The following SMG1 variants were observed in gnomAD, a reference collection of about 807,000 sequenced individuals.
SMG1 encodes the protein serine/threonine-protein kinase SMG1.
Under a neutral mutation model 419.9 loss-of-function variants are expected in SMG1, and 22 were observed. That is an observed-to-expected ratio of 0.05 (90% CI 0.04 to 0.07). SMG1 has a LOEUF of 0.07. Among genes scored for constraint, SMG1 ranks in the 10% least tolerant of loss-of-function variants. The probability of loss-of-function intolerance (pLI) is 1.00; values close to 1 mark genes in which losing one functional copy is unlikely to be tolerated. For synonymous variants in SMG1, 1,538 were observed against 1,553.5 expected, an observed-to-expected ratio of 0.99 and a Z score of 0.23; for missense variants, 3,185 against 4,342.0, an observed-to-expected ratio of 0.73 and a Z score of 7.49.
At position 18,838,191 on chromosome 16, in the gene SMG1, C is replaced by A; in HGVS notation, c.7236G>T (p.Thr2412=). ...GGTCGTACACAAAGGCCTCCAGCAGCGTCAGCAGGGTCTCTCTGCCACGCC... is the reference window on the plus strand; with the variant it reads ...GGTCGTACACAAAGGCCTCCAGCAGAGTCAGCAGGGTCTCTCTGCCACGCC... ...IMRRGRETLL[T]LLEAFVYDPL... is the part of the protein sequence containing the mutation. Residue 2412 remains threonine (T), a synonymous_variant, in exon 45 of 63, where the codon ACG becomes ACT. Transcript: ENST00000446231. The A allele has an allele frequency of 6.2e-7, 1 of 1,612,704 alleles. No homozygotes were observed. The highest frequency in any genetic ancestry group is 1.3e-5 in the African/African-American group (1 of 75,044).
chr16:18,867,495 G>T (rs2035576313), intron 22 of SMG1, among the ~76,000 whole-genome samples: 1 of 151,208 alleles, frequency 6.6e-6, no homozygotes, highest in Non-Finnish European at 1.5e-5. Flanking sequence ...CTGCACTCCA[G>T]CCTGGGCGAC....
chr16:18,888,125 A>G (rs1283430739), intron 6 of SMG1, among the ~76,000 whole-genome samples: 5 of 137,446 alleles, frequency 3.6e-5, no homozygotes, highest in Non-Finnish European at 7.7e-5. Context: ...AGATCATGCC[A>G]CTGCACTCCA....
intron 1 of SMG1, among the ~76,000 whole-genome samples, chr16:18,913,901 T>TA (rs1486442564): frequency 2.6e-5 from 4 of 152,044 alleles, no homozygotes; most frequent in African/African-American, 9.7e-5. Flanking sequence ...CGAGGTGGTT[T>TA]ACGCCTGTAA....
intron 1 of SMG1, among the ~76,000 whole-genome samples, chr16:18,923,577 G>A (rs1318477092): frequency 6.6e-6 from 1 of 151,446 alleles, no homozygotes; most frequent in African/African-American, 2.4e-5. Context: ...AGAGGCTGCA[G>A]TGAGTCGAGA....
intron 3 of SMG1, among the ~76,000 whole-genome samples, chr16:18,892,664 C>A (rs1190312927): frequency 1.3e-5 from 2 of 152,162 alleles, no homozygotes; most frequent in East Asian, 1.9e-4. Flanking sequence ...GCCCGTGAGG[C>A]GGAGGTTGCA....
At chr16:18,844,025 ACG>A (rs2034082801) in intron 39 of SMG1, among the ~76,000 whole-genome samples, 1 of 150,754 alleles carries the variant, frequency 6.6e-6, no homozygotes, top group Non-Finnish European at 1.5e-5. Flanking sequence ...ACACACACAC[ACG>A]TGCGCACACA....
chr16:18,847,023 G>A (rs1331161211), intron 38 of SMG1, among the ~76,000 whole-genome samples: 3 of 151,512 alleles, frequency 2.0e-5, no homozygotes, highest in African/African-American at 7.3e-5. Flanking sequence ...GGACAAAACG[G>A]TATAATCATA....
Position 18,808,475 on chromosome 16 carries a change from C to T in SMG1, c.*1094G>A, listed in dbSNP as rs960553097. On this transcript the variant is annotated 3_prime_UTR_variant, in exon 63 of 63. Coordinates refer to ENST00000446231, the MANE Select transcript of SMG1 (RefSeq NM_015092.5). Reference sequence around the variant, plus strand: ...CACTTTATTGTTAATCTATCATCAACAATGTAAAACTCTAATAGATACTCT... The same window carrying T: ...CACTTTATTGTTAATCTATCATCAATAATGTAAAACTCTAATAGATACTCT... The T allele has an allele frequency of 6.6e-6, 1 of 152,084 alleles. No homozygotes were observed. Among genetic ancestry groups the T allele is most frequent in the African/African-American group, 2.4e-5 (1 of 41,390 alleles). 9.4% of individuals were successfully genotyped at this position (152,084 alleles called of 1,614,324 possible).
chr16:18,819,544 T>G lies in SMG1; in HGVS notation c.9852A>C (p.Glu3284Asp), dbSNP rs759500913. The stretch of plus-strand genomic sequence containing the variant: ...TCTCTTTAAGGACAAGATTTCTTCT[T>G]TCAGCTATCGTTGCTTCAAAATCTT... ...VLQDFEATIA[E>D]RRNLVLKESQ... The change falls in exon 56 of 63, where the codon GAA becomes GAC. Residue 3284 changes from glutamate (E) to aspartate (D), a missense_variant. Glu to Asp is a conservative substitution (Grantham distance 45). Around this residue, in one of 27 missense-constraint regions of SMG1, gnomAD observed 737 missense variants for 846.6 expected, o/e 0.87. Transcript: ENST00000446231. 1 of 1,608,466 alleles carries G rather than the reference T, an allele frequency of 6.2e-7. No homozygotes were observed. The highest frequency in any genetic ancestry group is 2.2e-5 in the East Asian group (1 of 44,808).
intron 15 of SMG1, among the ~76,000 whole-genome samples, chr16:18,871,776 T>TA (rs2035836478): frequency 1.3e-5 from 2 of 151,930 alleles, no homozygotes; most frequent in South Asian, 4.2e-4. Flanking sequence ...CCATCTCTAC[T>TA]AAAAATACAA....
chr16:18,839,584 T>A (rs1454077067), intron 42 of SMG1, 114 bp downstream of exon 42: 9 of 1,377,592 alleles, frequency 6.5e-6, no homozygotes, highest in Non-Finnish European at 7.0e-6. Context: ...CGTCTCAAAC[T>A]ACCAAGTCTG....
chr16:18,847,914 G>T lies in SMG1; in HGVS notation c.5743C>A (p.Pro1915Thr). The change falls in exon 37 of 63, where the codon CCT (proline) becomes ACT (threonine). Residue 1915 changes from proline (P) to threonine (T), a missense_variant. Around this residue, in one of 27 missense-constraint regions of SMG1, gnomAD observed 130 missense variants for 162.0 expected, o/e 0.80. Coordinates refer to ENST00000446231, the MANE Select transcript of SMG1 (RefSeq NM_015092.5). ...TGGTCTTCATTTAATCCACTTTTAG[G>T]TTCATCCTTATTGCTATCCTGAGAT... ...PASQDSNKDE[P>T]KSGLNEDQAM... 6.2e-7 allele frequency: 1 copy of T among 1,613,890 alleles called. No individual in the cohort carries two copies. The highest frequency in any genetic ancestry group is 8.5e-7 in the Non-Finnish European group (1 of 1,179,874).
intron 30 of SMG1, 65 bp from the exon 31 acceptor site, chr16:18,853,932 G>T: frequency 7.0e-7 from 1 of 1,429,456 alleles, no homozygotes; most frequent in Non-Finnish European, 9.4e-7. Flanking sequence ...GAGGCACTTG[G>T]ATTAGGAAAC....
At chr16:18,812,304 A>G (rs887441350) in intron 60 of SMG1, 177 bp from the exon 61 acceptor site, 4 of 577,838 alleles carry the variant, frequency 6.9e-6, no homozygotes, top group African/African-American at 1.9e-5. Context: ...AAACAGCCAG[A>G]CATTCAGGTA....
At chr16:18,899,017 A>G (rs1449632608) in intron 1 of SMG1, among the ~76,000 whole-genome samples, 1 of 152,208 alleles carries the variant, frequency 6.6e-6, no homozygotes, top group African/African-American at 2.4e-5. Flanking sequence ...TAAATAAGAT[A>G]ATGAATTATA....
intron 31 of SMG1, among the ~76,000 whole-genome samples, chr16:18,853,199 C>T (rs929343421): frequency 6.6e-6 from 1 of 152,172 alleles, no homozygotes; most frequent in Non-Finnish European, 1.5e-5. Context: ...CTTTGTGTTA[C>T]TAGCACTAGC....
chr16:18,866,194 A>G (rs1384989602), intron 23 of SMG1: 4 of 181,782 alleles, frequency 2.2e-5, no homozygotes, highest in Non-Finnish European at 4.7e-5. Flanking sequence ...GCAAGATTTC[A>G]TTAAACTAAC....
chr16:18,836,904 TAGTG>T (rs1221515399), intron 46 of SMG1, among the ~76,000 whole-genome samples: 1 of 152,152 alleles, frequency 6.6e-6, no homozygotes, highest in African/African-American at 2.4e-5. Flanking sequence ...ATTTAATACT[TAGTG>T]AGGTAGATGA....
At chr16:18,873,546 C>G (rs1200388979) in intron 13 of SMG1, among the ~76,000 whole-genome samples, 2 of 152,170 alleles carry the variant, frequency 1.3e-5, no homozygotes, top group African/African-American at 4.8e-5. Context: ...AAAACAGGCG[C>G]TAGTGTTGTG....
Sources: allele counts gnomAD v4.1 joint callset (sites outside exome capture counted in the v4.1 genomes callset), GRCh38; gene constraint gnomAD v4.1.1; regional missense constraint gnomAD v4.1.1; transcripts MANE v1.5; gene names NCBI Gene and HGNC (gene_info 2026-07-23, HGNC 2026-07-21).